The following LRRC69 variants were observed in gnomAD, a reference collection of about 807,000 sequenced individuals.
LRRC69 encodes leucine rich repeat containing 69, also known as leucine-rich repeat-containing protein 69.
LRRC69 carries 42 observed loss-of-function variants against 37.8 expected under a neutral mutation model. The ratio of observed to expected loss-of-function variants is 1.11; its 90% confidence interval spans 0.87 to 1.44. The LOEUF (loss-of-function observed/expected upper bound fraction) is 1.44. LRRC69 is among the 40% of genes most tolerant of loss of function. The probability of loss-of-function intolerance (pLI) is 0.00; values close to 1 mark genes in which losing one functional copy is unlikely to be tolerated. For synonymous variants in LRRC69, 141 were observed against 143.1 expected, an observed-to-expected ratio of 0.99 and a Z score of 0.11; for missense variants, 357 against 401.9, an observed-to-expected ratio of 0.89 and a Z score of 0.96.
intron 5 of LRRC69, among the ~76,000 whole-genome samples, chr8:91,164,100 A>G (rs1808989753): frequency 6.6e-6 from 1 of 151,446 alleles, no homozygotes; most frequent in Admixed American, 6.6e-5. Context: ...ATGAAGTGGG[A>G]TCAAATAAAT....
chr8:91,118,895 A>T (rs1813566205), intron 1 of LRRC69, among the ~76,000 whole-genome samples: 1 of 152,120 alleles, frequency 6.6e-6, no homozygotes, highest in Admixed American at 6.6e-5. Context: ...TTGTCAAAGC[A>T]TTCCAAATAT....
chr8:91,105,455 G>A (rs999076757), intron 1 of LRRC69, among the ~76,000 whole-genome samples: 3 of 151,826 alleles, frequency 2.0e-5, no homozygotes, highest in Admixed American at 6.6e-5. Context: ...AGGCCAAGGT[G>A]GGCAGATTGA....
intron 1 of LRRC69, chr8:91,118,153 T>C (rs1813546791): frequency 4.4e-6 from 2 of 455,340 alleles, no homozygotes; most frequent in African/African-American, 4.0e-5. Context: ...GGTGTGCTCA[T>C]GGGGAAGGTA....
chr8:91,140,555 A>G (rs1450598868), intron 5 of LRRC69, among the ~76,000 whole-genome samples: 1 of 151,904 alleles, frequency 6.6e-6, no homozygotes, highest in Admixed American at 6.6e-5. Flanking sequence ...TATACTGCAT[A>G]AAGAAATACG....
At chr8:91,108,920 C>T (rs917037746) in intron 1 of LRRC69, among the ~76,000 whole-genome samples, 3 of 151,832 alleles carry the variant, frequency 2.0e-5, no homozygotes, top group African/African-American at 7.2e-5. Context: ...ACTCTTCCTC[C>T]TTGGGCATTC....
chr8:91,185,390 C>T (rs574728860), intron 5 of LRRC69, among the ~76,000 whole-genome samples: 1 of 151,642 alleles, frequency 6.6e-6, no homozygotes, highest in Non-Finnish European at 1.5e-5. Context: ...TGTTTATAGC[C>T]TGGGAGTTTA....
At chr8:91,176,880 T>C (rs1809240956) in intron 5 of LRRC69, among the ~76,000 whole-genome samples, 1 of 146,518 alleles carries the variant, frequency 6.8e-6, no homozygotes, top group African/African-American at 2.8e-5. Flanking sequence ...CAAGAAATAA[T>C]GTTAAGCCAA....
At chr8:91,176,134 A>ATATATATATATATTTTTTTTTTTT in intron 5 of LRRC69, among the ~76,000 whole-genome samples, 1 of 75,702 alleles carries the variant, frequency 1.3e-5, no homozygotes, top group African/African-American at 6.1e-5. Flanking sequence ...ATATATATAT[A>ATATATATATATATTTTTTTTTTTT]TTTTTTTTTT....
At chr8:91,203,245 A>G (rs754029812) in intron 7 of LRRC69, among the ~76,000 whole-genome samples, 13 of 151,986 alleles carry the variant, frequency 8.6e-5, no homozygotes, top group Non-Finnish European at 1.8e-4. Context: ...TTTGGTAGGG[A>G]ACTAGATATG....
intron 1 of LRRC69, among the ~76,000 whole-genome samples, chr8:91,113,972 CAAAAAAA>C (rs34806474): frequency 2.3e-4 from 14 of 60,510 alleles, no homozygotes; most frequent in Middle Eastern, 0.016. Flanking sequence ...AGACTTGTCT[CAAAAAAA>C]AAAAAAAAAA....
At chr8:91,151,752 T>G (rs1041218087) in intron 5 of LRRC69, among the ~76,000 whole-genome samples, 11 of 151,578 alleles carry the variant, frequency 7.3e-5, no homozygotes, top group African/African-American at 2.7e-4. Context: ...CTAATTTACA[T>G]TCCCACCAAC....
chr8:91,171,853 G>A (rs1408722943), intron 5 of LRRC69, among the ~76,000 whole-genome samples: 1 of 151,868 alleles, frequency 6.6e-6, no homozygotes, highest in African/African-American at 2.4e-5. Context: ...TCTGACCAAG[G>A]AGGTGTGAAC....
chr8:91,163,234 G>T (rs1039473948), intron 5 of LRRC69, among the ~76,000 whole-genome samples: 1 of 151,226 alleles, frequency 6.6e-6, no homozygotes, highest in Non-Finnish European at 1.5e-5. Flanking sequence ...ATAAATACAT[G>T]TTTAGATTTG....
intron 1 of LRRC69, among the ~76,000 whole-genome samples, chr8:91,115,315 G>A (rs896338271): frequency 6.6e-6 from 1 of 151,926 alleles, no homozygotes; most frequent in African/African-American, 2.4e-5. Context: ...TTTATTCAGA[G>A]GTTGAAAACA....
chr8:91,195,646 A>C (rs1021367379), intron 6 of LRRC69, among the ~76,000 whole-genome samples: 46 of 152,086 alleles, frequency 3.0e-4, no homozygotes, highest in Middle Eastern at 3.4e-3. Context: ...AGTCTGTTTT[A>C]TCAGAGACTA....
chr8:91,171,870 T>C (rs1018624998), intron 5 of LRRC69, among the ~76,000 whole-genome samples: 1 of 151,962 alleles, frequency 6.6e-6, no homozygotes, highest in Non-Finnish European at 1.5e-5. Context: ...GAACAACATA[T>C]TGGCTTATTT....
intron 7 of LRRC69, among the ~76,000 whole-genome samples, chr8:91,214,940 T>G (rs927426022): frequency 2.0e-5 from 3 of 152,070 alleles, no homozygotes; most frequent in Non-Finnish European, 4.4e-5. Context: ...CTTGACAGCT[T>G]CTAGAGGCTC....
chr8:91,111,648 A>G (rs1383167264), intron 1 of LRRC69, among the ~76,000 whole-genome samples: 1 of 152,048 alleles, frequency 6.6e-6, no homozygotes, highest in African/African-American at 2.4e-5. Flanking sequence ...CAAATACCAC[A>G]TGTTGTCACT....
In LRRC69 at chr8:91,176,134, A is replaced by ATATATTTTTTTTTTT; in HGVS notation, c.652-13387_652-13386insATATTTTTTTTTTTT. On this transcript the variant is annotated intron_variant, in intron 5 of 7. Transcript: ENST00000448384. ...ATCCCTCATATATATATATATATAT[A>ATATATTTTTTTTTTT]TTTTTTTTTTTTCTTTTTTTTGAGA... Among the ~76,000 whole-genome samples, 362 of 75,634 alleles carry ATATATTTTTTTTTTT rather than the reference A, an allele frequency of 4.8e-3. 8 individuals are homozygous for ATATATTTTTTTTTTT. The highest frequency in any genetic ancestry group is 0.016 in the African/African-American group (255 of 16,398). The allele number at this position is 75,634 out of a possible 152,430, so 49.6% of individuals were successfully genotyped here.
Sources: gnomAD v4.1 joint callset for allele counts (sites outside exome capture counted in the v4.1 genomes callset) on GRCh38, gnomAD v4.1.1 for gene constraint, MANE v1.5 for transcripts, NCBI Gene and HGNC (gene_info 2026-07-23, HGNC 2026-07-21) for gene names.